The following ATRN variants were observed in gnomAD, a reference collection of about 807,000 sequenced individuals.
ATRN encodes the protein attractin, also known as attractin-2.
In ATRN, 54 loss-of-function variants were observed where a neutral mutation model predicts 178.7. That is an observed-to-expected ratio of 0.30 (90% CI 0.24 to 0.38). The LOEUF is 0.38. Ranked by LOEUF, ATRN falls within the 10% of genes least tolerant of loss-of-function variation. The pLI is 1.00. For missense variants in ATRN, 1,443 were observed against 1,815.1 expected, an observed-to-expected ratio of 0.79 and a Z score of 3.73; for synonymous variants, 636 against 663.0, an observed-to-expected ratio of 0.96 and a Z score of 0.63.
At chr20:3,542,233 A>G (rs1057186678) in intron 3 of ATRN, among the ~76,000 whole-genome samples, 38 of 152,226 alleles carry the variant, frequency 2.5e-4, no homozygotes, top group African/African-American at 8.2e-4. Flanking sequence ...TGATGTTATC[A>G]TAATAGTACT....
At chr20:3,577,121 A>C (rs925172867) in intron 14 of ATRN, 124 bp downstream of exon 14, 33 of 1,214,626 alleles carry the variant, frequency 2.7e-5, no homozygotes, top group African/African-American at 4.6e-5. Flanking sequence ...TTCATCCCCC[A>C]CACGAGTATT....
chr20:3,609,710 A>ATGTG lies in ATRN; in HGVS notation c.3801+5451_3801+5452insGTGT, dbSNP rs1258394170. On this transcript the variant is annotated intron_variant, in intron 24 of 28. Transcript: ENST00000262919. ...AATGGATAAACAAAATGTGGTATGT[A>ATGTG]TGTATGTGTGTGTGTGTGTGTGTGT... is the stretch of plus-strand genomic sequence containing the variant. Among the ~76,000 whole-genome samples, 709 of 117,262 alleles carry ATGTG rather than the reference A, an allele frequency of 6.0e-3. 4 individuals are homozygous for ATGTG. The highest frequency in any genetic ancestry group is 0.015 in the South Asian group (47 of 3,148). 76.9% of individuals were successfully genotyped at this position (117,262 alleles called of 152,430 possible).
intron 1 of ATRN, chr20:3,490,189 C>T (rs1195917371): frequency 1.8e-5 from 27 of 1,515,520 alleles, no homozygotes; most frequent in East Asian, 6.8e-5. Flanking sequence ...TGCTCTTCTA[C>T]GGTCCGCCAC....
intron 6 of ATRN, among the ~76,000 whole-genome samples, chr20:3,551,015 G>C (rs1182603031): frequency 1.3e-5 from 2 of 152,200 alleles, no homozygotes; most frequent in African/African-American, 4.8e-5. Flanking sequence ...GGTGGACACT[G>C]TTGGTGCCTT....
chr20:3,593,257 G>A (rs938622901), intron 19 of ATRN, among the ~76,000 whole-genome samples: 1 of 152,162 alleles, frequency 6.6e-6, no homozygotes, highest in East Asian at 1.9e-4. Context: ...TTATTTTTCA[G>A]AGTCCTAATC....
intron 21 of ATRN, among the ~76,000 whole-genome samples, chr20:3,597,636 C>T (rs1027334910): frequency 1.3e-5 from 2 of 152,288 alleles, no homozygotes; most frequent in African/African-American, 4.8e-5. Context: ...TAGTGATACC[C>T]TTTTAATAGC....
chr20:3,503,520 A>C (rs143524500), intron 1 of ATRN, among the ~76,000 whole-genome samples: 5 of 152,304 alleles, frequency 3.3e-5, no homozygotes, highest in African/African-American at 1.2e-4. Context: ...AGCCATATAA[A>C]ATTAATTAAA....
rs139505141 is a variant in ATRN, at chr20:3,535,336, A to T, written c.494A>T (p.Gln165Leu). Residue 165 changes from glutamine (Q) to leucine (L), a missense_variant and splice_region_variant, in exon 2 of 29, where the codon CAG becomes CTG. Around this residue, in one of 4 missense-constraint regions of ATRN, gnomAD observed 862 missense variants for 972.1 expected, o/e 0.89. Transcript: ENST00000262919. ...AAGTGCACGTGGCTCATTGAAGGAC[A>T]GTAAGTAGAAATGGCTGACTTAATT... The part of the protein sequence containing the change: ...KTKCTWLIEG[Q>L]PNRIMRLRFN... 5,696 of 1,516,696 alleles carry T rather than the reference A, an allele frequency of 3.8e-3. 25 individuals are homozygous for T. Among genetic ancestry groups the T allele is most frequent in the Non-Finnish European group, 4.7e-3 (5,309 of 1,121,044 alleles). 94.0% of individuals were successfully genotyped at this position (1,516,696 alleles called of 1,614,324 possible).
At chr20:3,552,327 C>T (rs957508875) in intron 6 of ATRN, among the ~76,000 whole-genome samples, 12 of 152,142 alleles carry the variant, frequency 7.9e-5, no homozygotes, top group Admixed American at 2.6e-4. Context: ...TCCCCTATCT[C>T]CAGCTCTTTA....
chr20:3,644,699 C>T (rs2087094695), intron 28 of ATRN, among the ~76,000 whole-genome samples: 1 of 152,204 alleles, frequency 6.6e-6, no homozygotes, highest in South Asian at 2.1e-4. Flanking sequence ...CAGCCATCTC[C>T]CCTGGGCTGG....
chr20:3,473,893 T>G (rs1288265648), intron 1 of ATRN, among the ~76,000 whole-genome samples: 1 of 152,140 alleles, frequency 6.6e-6, no homozygotes, highest in Non-Finnish European at 1.5e-5. Flanking sequence ...TGGACAAGTC[T>G]TCCGTGTAAA....
chr20:3,561,974 C>G (rs968608727), intron 8 of ATRN, among the ~76,000 whole-genome samples: 5 of 152,162 alleles, frequency 3.3e-5, no homozygotes, highest in Non-Finnish European at 7.3e-5. Context: ...GATCCTCCCA[C>G]CTTAGCCTCC....
At chr20:3,643,662 T>C (rs1412983974) in intron 27 of ATRN, among the ~76,000 whole-genome samples, 1 of 152,230 alleles carries the variant, frequency 6.6e-6, no homozygotes, top group East Asian at 1.9e-4. Flanking sequence ...ACCCAGCTTT[T>C]ACAAGCTTTT....
chr20:3,471,653 C>T (rs147109643), intron 1 of ATRN, 136 bp downstream of exon 1: 3 of 1,157,192 alleles, frequency 2.6e-6, no homozygotes, highest in East Asian at 3.2e-5. Context: ...GGTTTGAGGG[C>T]CATTTGCTTC....
At chr20:3,626,114 C>G (rs186228440) in intron 25 of ATRN, among the ~76,000 whole-genome samples, 1 of 152,090 alleles carries the variant, frequency 6.6e-6, no homozygotes, top group Admixed American at 6.5e-5. Flanking sequence ...AGCCTGTAGT[C>G]CCAGCTAATC....
chr20:3,489,411 G>A (rs1171616284), intron 1 of ATRN: 1 of 676,422 alleles, frequency 1.5e-6, no homozygotes, highest in Non-Finnish European at 2.7e-6. Flanking sequence ...CAGGATGCAT[G>A]CTAGACCATG....
chr20:3,619,416 G>C (rs182352447), intron 24 of ATRN, among the ~76,000 whole-genome samples: 2 of 152,092 alleles, frequency 1.3e-5, no homozygotes, highest in Non-Finnish European at 2.9e-5. Flanking sequence ...CGACCAGAAC[G>C]CAAGTCCTGA....
chr20:3,504,513 TAAA>T (rs34116812), intron 1 of ATRN, among the ~76,000 whole-genome samples: 3,803 of 115,888 alleles, frequency 0.033, 120 homozygotes, highest in Middle Eastern at 0.059. Context: ...TCGTCTCTAC[TAAA>T]AAAAAAAAAA....
chr20:3,516,206 G>GAATT (rs1376450177), intron 1 of ATRN, among the ~76,000 whole-genome samples: 2 of 152,214 alleles, frequency 1.3e-5, no homozygotes, highest in Non-Finnish European at 2.9e-5. Flanking sequence ...CCAGGGAAAT[G>GAATT]AATTATTGAT....
Sources: gnomAD v4.1 joint callset for allele counts (sites outside exome capture counted in the v4.1 genomes callset) on GRCh38, gnomAD v4.1.1 for gene constraint, gnomAD v4.1.1 regional missense constraint, MANE v1.5 for transcripts, NCBI Gene and HGNC (gene_info 2026-07-23, HGNC 2026-07-21) for gene names.